ENO4: variants seen among roughly 807,000 people sequenced by gnomAD.
ENO4 encodes the protein enolase 4.
Under a neutral mutation model 63.2 loss-of-function variants are expected in ENO4, and 53 were observed. The ratio of observed to expected loss-of-function variants is 0.84; its 90% CI spans 0.67 to 1.05. The LOEUF (loss-of-function observed/expected upper bound fraction) is 1.05. Among genes scored for constraint, ENO4 ranks in the 50% least tolerant of loss-of-function variants. The pLI, the probability that ENO4 is intolerant of heterozygous loss-of-function variation, is 0.00. For synonymous variants in ENO4, 266 were observed against 283.8 expected (o/e 0.94, Z 0.63); for missense variants, 719 against 772.0 (o/e 0.93, Z 0.81).
downstream of ENO4, chr10:116,886,603 CAG>C (rs778054942): frequency 1.2e-6 from 2 of 1,609,390 alleles, no homozygotes; most frequent in South Asian, 2.2e-5. Context: ...AAGTAAAAAG[CAG>C]AGAGAGAAAA....
intron 2 of ENO4, 23 bp from the exon 3 acceptor site, chr10:116,856,469 G>C: frequency 6.5e-7 from 1 of 1,529,878 alleles, no homozygotes; most frequent in Non-Finnish European, 8.8e-7. Context: ...GGAAAGTGTT[G>C]AACACATTTA....
At chr10:116,892,213 C>T (rs967302479) in intron 10 of ENO4, among the ~76,000 whole-genome samples, 16 of 152,154 alleles carry the variant, frequency 1.1e-4, no homozygotes. Flanking sequence ...TAGCTTGTAC[C>T]TTGTAGGATA....
chr10:116,862,687 TA>T lies in ENO4; in HGVS notation c.937-110del, dbSNP rs1846447366. 6.4e-5 allele frequency: 45 copies of T among 705,804 alleles called. No homozygotes were observed. In the South Asian group the frequency reaches 7.7e-4, roughly 12 times the overall value. 43.7% of individuals were successfully genotyped at this position (705,804 alleles called of 1,614,324 possible). On this transcript the variant is annotated intron_variant, in intron 6 of 13. Coordinates refer to ENST00000341276, the MANE Select transcript of ENO4 (RefSeq NM_001242699.2). ...TGATTTTGTAGAGCATATCATCTGC[TA>T]ATCAGGGACTCTACAAATACTCTGA...
Position 116,871,252 on chromosome 10 carries a change from A to C in ENO4, c.1175A>C (p.His392Pro). 1.3e-6 allele frequency: 2 copies of C among 1,550,540 alleles called. No homozygotes were observed. The highest frequency in any genetic ancestry group is 1.7e-6 in the Non-Finnish European group (2 of 1,146,992). The stretch of plus-strand genomic sequence containing the variant: ...GGGCTAGAACTGGGAACAAATCTGC[A>C]TCTAGCTATCAACTGTGCTGGACAT... ...NLGLELGTNL[H>P]LAINCAGHEL... is the part of the protein sequence containing the mutation. Residue 392 changes from histidine (H) to proline (P), a missense_variant, in exon 9 of 14, where the codon CAT becomes CCT. Physicochemically the swap from His to Pro is moderately conservative, Grantham distance 77. Around this residue, in one of 3 missense-constraint regions of ENO4, gnomAD observed 544 missense variants for 583.6 expected, o/e 0.93. Transcript: ENST00000341276.
At chr10:116,884,264 C>T, downstream of ENO4, 2 of 459,220 alleles carry the variant, frequency 4.4e-6, no homozygotes, top group Non-Finnish European at 4.4e-6. Context: ...TTGACAGTGT[C>T]ACCCCAGCCA....
chr10:116,861,031 A>G (rs947897687), intron 5 of ENO4, 28 bp from the exon 6 acceptor site: 15 of 1,542,446 alleles, frequency 9.7e-6, no homozygotes, highest in Non-Finnish European at 1.3e-5. Context: ...CCTGTTTCTC[A>G]TTTTCCCTCG....
intron 11 of ENO4, among the ~76,000 whole-genome samples, chr10:116,877,570 T>C (rs1026383644): frequency 1.3e-5 from 2 of 152,010 alleles, no homozygotes; most frequent in Admixed American, 1.3e-4. Flanking sequence ...ACTACTAACA[T>C]GCAGCATGAG....
intron 10 of ENO4, 59 bp from the exon 11 acceptor site, chr10:116,876,005 CT>C: frequency 7.9e-7 from 1 of 1,268,724 alleles, no homozygotes; most frequent in Admixed American, 3.1e-5. Flanking sequence ...TATATTATTC[CT>C]GTTGTTTTGT....
At chr10:116,883,835 A>T (rs9421253), downstream of ENO4, 4,160 of 177,994 alleles carry the variant, frequency 0.023, 180 homozygotes, top group African/African-American at 0.095. Context: ...TCAGCTGCTG[A>T]AACTGCTGTG....
intron 1 of ENO4, 105 bp downstream of exon 1, chr10:116,849,836 C>T (rs1023578579): frequency 7.6e-7 from 1 of 1,310,230 alleles, no homozygotes; most frequent in Non-Finnish European, 1.0e-6. Context: ...TCTCGCATGC[C>T]AGCCGCCCGG....
chr10:116,886,609 G>C (rs199659749), downstream of ENO4: 3 of 1,608,072 alleles, frequency 1.9e-6, no homozygotes, highest in Non-Finnish European at 2.5e-6. Flanking sequence ...AAAGCAGAGA[G>C]AGAAAATAGT....
intron 10 of ENO4, among the ~76,000 whole-genome samples, chr10:116,888,816 A>T (rs1242983389): frequency 6.6e-6 from 1 of 152,202 alleles, no homozygotes; most frequent in African/African-American, 2.4e-5. Flanking sequence ...TAAGACAACT[A>T]CTTCACTTCC....
intron 7 of ENO4, among the ~76,000 whole-genome samples, chr10:116,867,078 C>T (rs536228718): frequency 2.0e-5 from 3 of 152,216 alleles, no homozygotes; most frequent in South Asian, 4.1e-4. Flanking sequence ...GCTAAAGCCA[C>T]GGTCTTAAAA....
At chr10:116,891,528 T>G (rs1396008146) in intron 10 of ENO4, among the ~76,000 whole-genome samples, 1 of 152,210 alleles carries the variant, frequency 6.6e-6, no homozygotes, top group African/African-American at 2.4e-5. Context: ...AGATTTAAAT[T>G]TGTCTTTATA....
At chr10:116,856,345 TA>T (rs1748268776) in intron 2 of ENO4, 146 bp from the exon 3 acceptor site, 3 of 683,378 alleles carry the variant, frequency 4.4e-6, no homozygotes, top group Non-Finnish European at 7.2e-6. Flanking sequence ...TCAACAGCTA[TA>T]AAAATATCTC....
chr10:116,874,335 C>G (rs923848672), intron 10 of ENO4, 134 bp downstream of exon 10: 1 of 890,870 alleles, frequency 1.1e-6, no homozygotes, highest in Non-Finnish European at 1.6e-6. Context: ...TCTTTTGGAT[C>G]GTTGTCATTC....
Position 116,901,744 on chromosome 10 carries a change from G to C in ENO4, c.1195-9755G>C, listed in dbSNP as rs373651304. 54 of 1,565,362 alleles carry C rather than the reference G, an allele frequency of 3.4e-5. No individual in the cohort carries two copies. The East Asian group carries it at 5.6e-4, about 16-fold the overall frequency. On this transcript the variant is annotated intron_variant, in intron 10 of 10. Transcript: ENST00000369207. ...TACAGATTCTTCTATACACCACTTA[G>C]TAAAGAGCATCGTTACTTACTGAAA...
intron 10 of ENO4, among the ~76,000 whole-genome samples, chr10:116,910,776 A>G (rs1176134933): frequency 6.6e-6 from 1 of 152,196 alleles, no homozygotes; most frequent in Non-Finnish European, 1.5e-5. Context: ...AATCTATTAG[A>G]TAATCACCAC....
chr10:116,859,934 A>G (rs1846365535), intron 4 of ENO4, among the ~76,000 whole-genome samples: 1 of 152,198 alleles, frequency 6.6e-6, no homozygotes, highest in African/African-American at 2.4e-5. Context: ...GCCCCGAGAC[A>G]AAATAATTAT....
Sources: gnomAD v4.1 joint callset for allele counts (sites outside exome capture counted in the v4.1 genomes callset) on GRCh38, gnomAD v4.1.1 for gene constraint, gnomAD v4.1.1 regional missense constraint, MANE v1.5 for transcripts, NCBI Gene and HGNC (gene_info 2026-07-23, HGNC 2026-07-21) for gene names.